The following XRN2 variants were observed in gnomAD, a reference collection of about 807,000 sequenced individuals.
XRN2 encodes the protein 5'-3' exoribonuclease 2.
Under a neutral mutation model 138.5 loss-of-function variants are expected in XRN2, and 44 were observed. That is an observed-to-expected ratio of 0.32 (90% CI 0.25 to 0.41). The LOEUF is 0.41. Among genes scored for constraint, XRN2 ranks in the 10% least tolerant of loss-of-function variants. The probability of loss-of-function intolerance (pLI) is 1.00; values close to 1 mark genes in which losing one functional copy is unlikely to be tolerated. For synonymous variants in XRN2, 354 were observed against 369.4 expected (o/e 0.96, Z 0.48); for missense variants, 937 against 1,169.3 (o/e 0.80, Z 2.90).
intron 6 of XRN2, 134 bp from the exon 7 acceptor site, chr20:21,331,427 A>ACACACACACACACT: frequency 1.4e-6 from 1 of 710,274 alleles, no homozygotes; most frequent in Middle Eastern, 3.9e-4. Flanking sequence ...ACACACACAC[A>ACACACACACACACT]CACACACACA....
chr20:21,355,910 A>G (rs898882864), intron 21 of XRN2, among the ~76,000 whole-genome samples, 170 bp from the exon 22 acceptor site: 2 of 152,188 alleles, frequency 1.3e-5, no homozygotes, highest in Non-Finnish European at 2.9e-5. Context: ...CAGTACTATC[A>G]AATACTAGAA....
chr20:21,378,477 C>T lies in XRN2; in HGVS notation c.2585-3517C>T, dbSNP rs562706875. 1.2e-4 allele frequency among the ~76,000 whole-genome samples: 18 copies of T among 152,320 alleles called. No homozygotes were observed. The South Asian group carries it at 3.5e-3, about 30-fold the overall frequency. On this transcript the variant is annotated intron_variant, in intron 27 of 29. Transcript: ENST00000377191. The stretch of plus-strand genomic sequence containing the variant: ...CATAGCCCCTGGCCTCACTCTGTGA[C>T]CTCTGACAGGTTTGGTCATTGCCCC...
At chr20:21,342,085 T>C (rs555672820) in intron 15 of XRN2, among the ~76,000 whole-genome samples, 26 of 152,334 alleles carry the variant, frequency 1.7e-4, no homozygotes, top group Middle Eastern at 6.8e-3. Context: ...AGAGGAGGTA[T>C]GGAATTCGAA....
chr20:21,337,094 C>T (rs2038305324), intron 13 of XRN2, among the ~76,000 whole-genome samples: 1 of 152,188 alleles, frequency 6.6e-6, no homozygotes, highest in Non-Finnish European at 1.5e-5. Context: ...CATCATAGGA[C>T]TGTTAACTTT....
intron 23 of XRN2, 56 bp from the exon 24 acceptor site, chr20:21,357,680 C>G (rs2038592116): frequency 7.1e-7 from 1 of 1,403,072 alleles, no homozygotes; most frequent in East Asian, 2.5e-5. Context: ...CTTATTTCCA[C>G]TTACCTAAAA....
chr20:21,337,927 ATT>A (rs1291592536), intron 13 of XRN2, among the ~76,000 whole-genome samples: 3 of 152,018 alleles, frequency 2.0e-5, no homozygotes, highest in Non-Finnish European at 4.4e-5. Context: ...TCTGCAGGTC[ATT>A]GGTGACCTAC....
chr20:21,316,000 C>T (rs746257405), intron 1 of XRN2, among the ~76,000 whole-genome samples: 9 of 152,288 alleles, frequency 5.9e-5, no homozygotes, highest in Admixed American at 1.3e-4. Flanking sequence ...CGCTTGTAAT[C>T]GCAGCACTTT....
chr20:21,385,379 T>C (rs1418557768), intron 28 of XRN2, among the ~76,000 whole-genome samples: 1 of 152,230 alleles, frequency 6.6e-6, no homozygotes, highest in Non-Finnish European at 1.5e-5. Flanking sequence ...TTCCTATCTC[T>C]GCACACGGAG....
At chr20:21,381,858 G>A in intron 27 of XRN2, 136 bp from the exon 28 acceptor site, 1 of 634,902 alleles carries the variant, frequency 1.6e-6, no homozygotes, top group African/African-American at 1.9e-5. Context: ...TGTGGTGTGT[G>A]TTATTATGAT....
rs529473706 is a variant in XRN2 at position 21,314,429 on chromosome 20, G to T, written c.75+10956G>T. On this transcript the variant is annotated intron_variant, in intron 1 of 29. Coordinates refer to ENST00000377191, the MANE Select transcript of XRN2 (RefSeq NM_012255.5). ...TATGTTTCTATGTGGATATGTTTTC[G>T]TTTTTCTTGGGTGTATACCTAGGCG... 8.5e-5 allele frequency among the ~76,000 whole-genome samples: 13 copies of T among 152,188 alleles called. No individual in the cohort carries two copies. In the East Asian group the frequency reaches 2.3e-3, roughly 27 times the overall value.
intron 3 of XRN2, among the ~76,000 whole-genome samples, 176 bp from the exon 4 acceptor site, chr20:21,328,383 G>A (rs1600683006): frequency 6.6e-6 from 1 of 152,162 alleles, no homozygotes; most frequent in Non-Finnish European, 1.5e-5. Context: ...TGGGTTCTCG[G>A]TCCAAATTTA....
At chr20:21,347,749 C>T (rs202849) in intron 17 of XRN2, among the ~76,000 whole-genome samples, 35,940 of 152,158 alleles carry the variant, frequency 0.24, 4,560 homozygotes, top group African/African-American at 0.29. Flanking sequence ...TGTCTCTAAC[C>T]ACCTTACATG....
intron 22 of XRN2, 79 bp from the exon 23 acceptor site, chr20:21,356,507 G>A: frequency 1.5e-6 from 2 of 1,304,812 alleles, no homozygotes; most frequent in Middle Eastern, 1.9e-4. Context: ...GAATGATGCT[G>A]CTATGAACAC....
chr20:21,306,295 C>T lies in XRN2; in HGVS notation c.75+2822C>T, dbSNP rs1283288045. On this transcript the variant is annotated intron_variant, in intron 1 of 29. Transcript: ENST00000377191. The stretch of plus-strand genomic sequence containing the variant: ...GGGACTACAGGCGCGCCACCACGCC[C>T]GGCTAATTTTTGTAGTTTTAGTAGA... Among the ~76,000 whole-genome samples the T allele has an allele frequency of 4.1e-5, 3 of 72,498 alleles. 1 individual carries two copies. Among genetic ancestry groups the T allele is most frequent in the Admixed American group, 3.3e-4 (2 of 6,018 alleles). The allele number at this position is 72,498 out of a possible 152,430, so 47.6% of individuals were successfully genotyped here.
chr20:21,330,703 A>C lies in XRN2; in HGVS notation c.574A>C (p.Thr192Pro). The C allele has an allele frequency of 6.2e-7, 1 of 1,611,792 alleles. No homozygotes were observed. Among genetic ancestry groups the C allele is most frequent in the East Asian group, 2.2e-5 (1 of 44,810 alleles). ...TAATGACCCTGGGTGGAAAAATTTG[A>C]CAGTAAGTTTCACATTTTGATACTT... ...LNNDPGWKNL[T>P]VILSDASAPG... The change falls in exon 6 of 30, where the codon ACA (threonine) becomes CCA (proline). Residue 192 changes from threonine (T) to proline (P), a missense_variant and splice_region_variant. Physicochemically the swap from Thr to Pro is conservative, Grantham distance 38 (BLOSUM62 -1). Around this residue, in one of 6 missense-constraint regions of XRN2, gnomAD observed 471 missense variants for 581.2 expected, o/e 0.81. Coordinates refer to ENST00000377191, the MANE Select transcript of XRN2 (RefSeq NM_012255.5).
intron 9 of XRN2, 119 bp downstream of exon 9, chr20:21,332,559 A>G: frequency 9.8e-7 from 1 of 1,017,122 alleles, no homozygotes; most frequent in Non-Finnish European, 1.3e-6. Flanking sequence ...AGCATTAAAT[A>G]TTTGAGTTAC....
Position 21,332,317 on chromosome 20 carries a change from A to G in XRN2, c.735A>G (p.Glu245=). 2 of 1,613,548 alleles carry G rather than the reference A, an allele frequency of 1.2e-6. No homozygotes were observed. Among genetic ancestry groups the G allele is most frequent in the Non-Finnish European group, 1.7e-6 (2 of 1,179,786 alleles). Residue 245 remains glutamate, a synonymous_variant, in exon 9 of 30, where the codon GAA becomes GAG. Coordinates refer to ENST00000377191, the MANE Select transcript of XRN2 (RefSeq NM_012255.5). ...TTATGCTTGGCCTTGCCACACATGA[A>G]CCGAACTTTACCATTATTAGAGAAG... ...DLIMLGLATH[E]PNFTIIREEF...
At chr20:21,326,782 T>A (rs556297091) in intron 3 of XRN2, among the ~76,000 whole-genome samples, 181 bp downstream of exon 3, 6 of 152,330 alleles carry the variant, frequency 3.9e-5, no homozygotes, top group Admixed American at 2.0e-4. Flanking sequence ...GCTTATTTTG[T>A]GCTCAGTACT....
chr20:21,353,029 T>G (rs1293672001), intron 20 of XRN2, among the ~76,000 whole-genome samples: 1 of 151,792 alleles, frequency 6.6e-6, no homozygotes, highest in East Asian at 1.9e-4. Flanking sequence ...TATTGCTTAG[T>G]GATTTTCTTG....
Sources: allele counts gnomAD v4.1 joint callset (sites outside exome capture counted in the v4.1 genomes callset), GRCh38; gene constraint gnomAD v4.1.1; regional missense constraint gnomAD v4.1.1; transcripts MANE v1.5; gene names NCBI Gene and HGNC (gene_info 2026-07-23, HGNC 2026-07-21).